CNTFR: variants seen among roughly 807,000 people sequenced by gnomAD.
CNTFR encodes ciliary neurotrophic factor receptor subunit alpha.
Under a neutral mutation model 40.4 loss-of-function variants are expected in CNTFR, and 12 were observed. The observed-to-expected ratio is 0.30, with a 90% CI of 0.19 to 0.48. The LOEUF (loss-of-function observed/expected upper bound fraction) is 0.48. Among genes scored for constraint, CNTFR ranks in the 20% least tolerant of loss-of-function variants. CNTFR has a pLI of 0.99. For synonymous variants in CNTFR, 202 were observed against 209.6 expected, an observed-to-expected ratio of 0.96 and a Z score of 0.31; for missense variants, 414 against 506.8, an observed-to-expected ratio of 0.82 and a Z score of 1.76.
chr9:34,564,384 G>C (rs1000730234), intron 4 of CNTFR, among the ~76,000 whole-genome samples: 1 of 152,224 alleles, frequency 6.6e-6, no homozygotes, highest in South Asian at 2.1e-4. Flanking sequence ...CACGGGGGTG[G>C]GATGTGTGGG....
intron 2 of CNTFR, among the ~76,000 whole-genome samples, chr9:34,571,987 T>C (rs558357476): frequency 4.1e-4 from 63 of 152,098 alleles, no homozygotes; most frequent in African/African-American, 1.3e-3. Context: ...GCAGGGTCTC[T>C]GCCCACCCTA....
In CNTFR at chr9:34,589,165, G is replaced by T. The variant is rs1827672895; in HGVS notation, c.-112+390C>A. ...CGGGCGCTTTGAAGTCCAGATTTCT[G>T]CCCGAGAAAGAAGCCACCTTTGGGC... On this transcript the variant is annotated intron_variant, in intron 1 of 9. Coordinates refer to ENST00000378980, the MANE Select transcript of CNTFR (RefSeq NM_147164.3). This position sits in a 1 kb window ranked among gnomAD's most constrained non-coding sequence, Gnocchi z 4.4. Among the ~76,000 whole-genome samples, 1 of 152,062 alleles carries T rather than the reference G, an allele frequency of 6.6e-6. No individual in the cohort carries two copies. The highest frequency in any genetic ancestry group is 2.1e-4 in the South Asian group (1 of 4,818).
intron 7 of CNTFR, among the ~76,000 whole-genome samples, chr9:34,553,777 G>C (rs1825728371): frequency 1.3e-5 from 2 of 152,210 alleles, no homozygotes; most frequent in South Asian, 4.1e-4. Flanking sequence ...CCAGGCCCAG[G>C]CTGGGCTCTG....
At chr9:34,561,774 A>G (rs771521907) in intron 4 of CNTFR, among the ~76,000 whole-genome samples, 1 of 152,244 alleles carries the variant, frequency 6.6e-6, no homozygotes, top group South Asian at 2.1e-4. Context: ...GTGTTGCCAA[A>G]GCCAGTCTCT....
chr9:34,551,947 G>A lies in CNTFR; in HGVS notation c.*124C>T. On this transcript the variant is annotated 3_prime_UTR_variant, in exon 10 of 10. Coordinates refer to ENST00000378980, the MANE Select transcript of CNTFR (RefSeq NM_147164.3). Reference sequence around the variant, plus strand: ...GGGCCCGCCGGGGTCTCCACAAATTGTGTCTGAAGAGAATGCAAAAGGTCC... The same window carrying A: ...GGGCCCGCCGGGGTCTCCACAAATTATGTCTGAAGAGAATGCAAAAGGTCC... The A allele has an allele frequency of 2.7e-6, 2 of 735,908 alleles. No individual in the cohort carries two copies. Among genetic ancestry groups the A allele is most frequent in the South Asian group, 2.9e-5 (2 of 67,964 alleles). 45.6% of individuals were successfully genotyped at this position (735,908 alleles called of 1,614,324 possible).
At chr9:34,586,418 T>C (rs1827548063) in intron 1 of CNTFR, among the ~76,000 whole-genome samples, 2 of 152,212 alleles carry the variant, frequency 1.3e-5, no homozygotes, top group Admixed American at 1.3e-4. Context: ...GATCTGAGGC[T>C]GTTATCTCTC....
At chr9:34,572,160 C>T (rs981327071) in intron 2 of CNTFR, among the ~76,000 whole-genome samples, 1 of 151,392 alleles carries the variant, frequency 6.6e-6, no homozygotes, top group Non-Finnish European at 1.5e-5. Flanking sequence ...CCCATCTCTG[C>T]CCCTGCCCCT....
At chr9:34,562,016 G>A (rs1278828899) in intron 4 of CNTFR, among the ~76,000 whole-genome samples, 1 of 152,182 alleles carries the variant, frequency 6.6e-6, no homozygotes, top group Non-Finnish European at 1.5e-5. Context: ...CGTGGGTATA[G>A]ACTATGGACA....
chr9:34,551,896 CG>C lies in CNTFR; in HGVS notation c.*174del. 1 of 700,180 alleles carries C rather than the reference CG, an allele frequency of 1.4e-6. No homozygotes were observed. The highest frequency in any genetic ancestry group is 2.6e-6 in the Non-Finnish European group (1 of 381,558). 43.4% of individuals were successfully genotyped at this position (700,180 alleles called of 1,614,324 possible). ...GGGAGGAAGGAGGGCCAGCTTGGTG[CG>C]GCAGGGCTGGGGGGCGGCAGGCCCG... On this transcript the variant is annotated 3_prime_UTR_variant, in exon 10 of 10. Coordinates refer to ENST00000378980, the MANE Select transcript of CNTFR (RefSeq NM_147164.3).
At chr9:34,570,413 G>A (rs1354466697) in intron 2 of CNTFR, among the ~76,000 whole-genome samples, 2 of 152,206 alleles carry the variant, frequency 1.3e-5, no homozygotes, top group Non-Finnish European at 2.9e-5. Context: ...CGAAGGACGA[G>A]CAAGGAGCAC....
intron 2 of CNTFR, among the ~76,000 whole-genome samples, chr9:34,573,034 TAACA>T (rs938427698): frequency 2.6e-5 from 4 of 152,192 alleles, no homozygotes; most frequent in Non-Finnish European, 4.4e-5. Flanking sequence ...CCGCCGTCGG[TAACA>T]AACAGACACA....
chr9:34,585,829 T>C (rs2132268532), intron 1 of CNTFR, among the ~76,000 whole-genome samples: 1 of 152,202 alleles, frequency 6.6e-6, no homozygotes, highest in South Asian at 2.1e-4. Context: ...CTCCTTGCTC[T>C]CCAGGACGCC....
At chr9:34,583,666 CG>C (rs1333118791) in intron 1 of CNTFR, among the ~76,000 whole-genome samples, 1 of 151,872 alleles carries the variant, frequency 6.6e-6, no homozygotes, top group Non-Finnish European at 1.5e-5. Flanking sequence ...GAATCAGCTG[CG>C]GGGTTGTGCT....
intron 1 of CNTFR, among the ~76,000 whole-genome samples, chr9:34,584,320 GGC>G (rs1827452559): frequency 2.0e-5 from 3 of 152,132 alleles, no homozygotes; most frequent in Non-Finnish European, 4.4e-5. Context: ...ATAAAACAAA[GGC>G]TCTCTTTCTT....
At chr9:34,566,004 G>A (rs1180842684) in intron 3 of CNTFR, among the ~76,000 whole-genome samples, 1 of 152,100 alleles carries the variant, frequency 6.6e-6, no homozygotes, top group Non-Finnish European at 1.5e-5. Flanking sequence ...CCTCCAGAGA[G>A]CCACCCTGCT....
At position 34,557,601 on chromosome 9, in the gene CNTFR, A is replaced by G; in HGVS notation, c.529T>C (p.Tyr177His). Residue 177 changes from tyrosine (Y) to histidine (H), a missense_variant, in exon 6 of 10, where the codon TAC becomes CAC. This residue lies in a region of CNTFR where 250 missense variants were observed against 269.5 expected (regional missense o/e 0.93). Transcript: ENST00000378980. The surrounding 1 kb of genome is among the most constrained non-coding windows in gnomAD (Gnocchi z 4.2). ...RYMHLFSTIK[Y>H]KVSISVSNAL... is the part of the protein sequence containing the mutation. Reference sequence around the variant, plus strand: ...TTGCTGACACTTATGGAGACCTTGTACTTGATGGTGGAGAACAGGTGCATG... The same window carrying G: ...TTGCTGACACTTATGGAGACCTTGTGCTTGATGGTGGAGAACAGGTGCATG... The G allele has an allele frequency of 6.2e-7, 1 of 1,614,182 alleles. No homozygotes were observed. Among genetic ancestry groups the G allele is most frequent in the Non-Finnish European group, 8.5e-7 (1 of 1,180,028 alleles).
Position 34,557,166 on chromosome 9 carries a change from A to G in CNTFR, c.604+360T>C, listed in dbSNP as rs922460752. 2.2e-5 allele frequency among the ~76,000 whole-genome samples: 3 copies of G among 135,700 alleles called. No homozygotes were observed. The highest frequency in any genetic ancestry group is 7.7e-5 in the African/African-American group (3 of 38,910). The allele number at this position is 135,700 out of a possible 152,430, so 89.0% of individuals were successfully genotyped here. A position where few individuals can be genotyped will look rare whatever the true frequency, so the allele number is the denominator to read the frequency against. On this transcript the variant is annotated intron_variant, in intron 6 of 9. Transcript: ENST00000378980. This position sits in a 1 kb window ranked among gnomAD's most constrained non-coding sequence, Gnocchi z 4.2. ...CTCCTGTTCTGACACCTCATTCATCACAGTCCGTAAGGAAGCCATTAGAGT... is the reference window on the plus strand; with the variant it reads ...CTCCTGTTCTGACACCTCATTCATCGCAGTCCGTAAGGAAGCCATTAGAGT...
At position 34,589,598 on chromosome 9, in the gene CNTFR, GC is replaced by G; in HGVS notation, c.-156del. ...GGGCTTCGCGCCGCGCCTTCCGACC[GC>G]CCCCGGCAGCGAGCGAGGCAGGGAG... On this transcript the variant is annotated 5_prime_UTR_variant, in exon 1 of 10. Transcript: ENST00000378980. This position sits in a 1 kb window ranked among gnomAD's most constrained non-coding sequence, Gnocchi z 4.4. 1 of 151,266 alleles carries G rather than the reference GC, an allele frequency of 6.6e-6. No homozygotes were observed. Among genetic ancestry groups the G allele is most frequent in the Non-Finnish European group, 1.5e-5 (1 of 67,640 alleles). 9.4% of individuals were successfully genotyped at this position (151,266 alleles called of 1,614,324 possible). A position where few individuals can be genotyped will look rare whatever the true frequency, so the allele number is the denominator to read the frequency against.
chr9:34,590,731 G>A (rs1827742039), upstream of CNTFR, among the ~76,000 whole-genome samples: 1 of 152,214 alleles, frequency 6.6e-6, no homozygotes. Context: ...CGCAGCCTGG[G>A]CCTCTGAGGG....
Sources: allele counts gnomAD v4.1 joint callset (sites outside exome capture counted in the v4.1 genomes callset), GRCh38; gene constraint gnomAD v4.1.1; regional missense constraint gnomAD v4.1.1; non-coding constraint Gnocchi (gnomAD v3.1); transcripts MANE v1.5; gene names NCBI Gene and HGNC (gene_info 2026-07-23, HGNC 2026-07-21).